TMEM117: variants seen among roughly 807,000 people sequenced by gnomAD.
TMEM117 encodes the protein transmembrane protein 117.
A neutral mutation model predicts 52.4 loss-of-function variants in TMEM117; 27 were observed. The ratio of observed to expected loss-of-function variants is 0.51; its 90% CI spans 0.38 to 0.71. The LOEUF is 0.71. Ranked by LOEUF, TMEM117 falls within the 30% of genes least tolerant of loss-of-function variation. The pLI is 0.00. For synonymous variants in TMEM117, 215 were observed against 206.3 expected (o/e 1.04, Z -0.36); for missense variants, 556 against 630.5 (o/e 0.88, Z 1.26).
At chr12:44,345,290 G>C (rs1222777208) in intron 6 of TMEM117, among the ~76,000 whole-genome samples, 1 of 152,004 alleles carries the variant, frequency 6.6e-6, no homozygotes, top group Non-Finnish European at 1.5e-5. Context: ...TGAATTTCTG[G>C]TTATTTCACC....
At chr12:44,266,063 C>T (rs2138553281) in intron 5 of TMEM117, among the ~76,000 whole-genome samples, 1 of 152,284 alleles carries the variant, frequency 6.6e-6, no homozygotes, top group Admixed American at 6.5e-5. Context: ...TGAACATTCA[C>T]ATACTTTATC....
chr12:43,914,331 A>G (rs1354905329), intron 2 of TMEM117, among the ~76,000 whole-genome samples: 1 of 152,122 alleles, frequency 6.6e-6, no homozygotes, highest in East Asian at 1.9e-4. Flanking sequence ...CAGGTCTGCT[A>G]AGAAACTTAG....
At chr12:44,069,622 A>C (rs1947271447) in intron 3 of TMEM117, among the ~76,000 whole-genome samples, 1 of 152,166 alleles carries the variant, frequency 6.6e-6, no homozygotes, top group South Asian at 2.1e-4. Context: ...AAAGGCTGAC[A>C]GTACCCTGTG....
intron 2 of TMEM117, among the ~76,000 whole-genome samples, chr12:43,877,934 GAAT>G (rs59936377): frequency 0.049 from 7,013 of 141,748 alleles, 211 homozygotes; most frequent in Middle Eastern, 0.13. Flanking sequence ...CACACAGACA[GAAT>G]AATACTTTAT....
At chr12:43,840,121 C>T (rs771927650) in intron 1 of TMEM117, among the ~76,000 whole-genome samples, 15 of 151,856 alleles carry the variant, frequency 9.9e-5, no homozygotes, top group East Asian at 1.9e-4. Flanking sequence ...TTCTAACTAA[C>T]GTAAAGGGTA....
intron 2 of TMEM117, among the ~76,000 whole-genome samples, chr12:43,891,694 C>G (rs1592338537): frequency 1.3e-5 from 2 of 152,118 alleles, no homozygotes; most frequent in African/African-American, 4.8e-5. Flanking sequence ...TTTAAGCTTT[C>G]TAACTGCTTT....
chr12:44,190,648 T>C (rs1285930425), intron 4 of TMEM117, among the ~76,000 whole-genome samples: 1 of 151,932 alleles, frequency 6.6e-6, no homozygotes, highest in African/African-American at 2.4e-5. Context: ...TTGAAAACGT[T>C]GAAAGCCAAA....
chr12:44,072,336 A>T (rs951887780), intron 3 of TMEM117, among the ~76,000 whole-genome samples: 1 of 152,160 alleles, frequency 6.6e-6, no homozygotes, highest in South Asian at 2.1e-4. Context: ...TTCTCAGAGG[A>T]TGCTAAAAAT....
intron 4 of TMEM117, among the ~76,000 whole-genome samples, chr12:44,202,793 C>CACTTTT (rs60018269): frequency 1.4e-5 from 2 of 142,868 alleles, no homozygotes; most frequent in African/African-American, 2.5e-5. Context: ...GAAGTGGTAG[C>CACTTTT]TTTTTTTTTT....
chr12:44,103,638 T>A (rs941610141), intron 3 of TMEM117, among the ~76,000 whole-genome samples: 1 of 152,052 alleles, frequency 6.6e-6, no homozygotes, highest in Non-Finnish European at 1.5e-5. Context: ...TTACTGAGAT[T>A]GGCTCCTCAA....
At chr12:44,138,558 CT>C (rs939410752) in intron 3 of TMEM117, among the ~76,000 whole-genome samples, 19 of 152,130 alleles carry the variant, frequency 1.2e-4, no homozygotes, top group Admixed American at 2.0e-4. Flanking sequence ...TTAGATATGT[CT>C]TCCTTATAGA....
intron 5 of TMEM117, among the ~76,000 whole-genome samples, chr12:44,235,944 C>G (rs1949990406): frequency 6.6e-6 from 1 of 151,788 alleles, no homozygotes; most frequent in Non-Finnish European, 1.5e-5. Flanking sequence ...TCATTTCACT[C>G]TCTTCTGGTT....
chr12:44,025,235 C>A (rs926791838), intron 3 of TMEM117, among the ~76,000 whole-genome samples: 1 of 152,140 alleles, frequency 6.6e-6, no homozygotes, highest in African/African-American at 2.4e-5. Flanking sequence ...CACAATGAAA[C>A]AGATGTCAAG....
At chr12:44,249,026 G>A (rs953775825) in intron 5 of TMEM117, 3 of 152,262 alleles carry the variant, frequency 2.0e-5, no homozygotes, top group African/African-American at 7.2e-5. Context: ...TGTTCTGCAA[G>A]TTGTACAGGA....
At chr12:44,197,498 G>A (rs1235610263) in intron 4 of TMEM117, among the ~76,000 whole-genome samples, 1 of 152,074 alleles carries the variant, frequency 6.6e-6, no homozygotes, top group East Asian at 1.9e-4. Context: ...CATAAGGAAT[G>A]GCATGCTAGA....
chr12:43,873,174 T>C (rs938619467), intron 2 of TMEM117, among the ~76,000 whole-genome samples: 11 of 152,190 alleles, frequency 7.2e-5, no homozygotes, highest in Non-Finnish European at 1.6e-4. Context: ...AAAACTCCTT[T>C]TAATGGAAGG....
At chr12:43,900,180 A>G (rs1158115260) in intron 2 of TMEM117, among the ~76,000 whole-genome samples, 4 of 152,186 alleles carry the variant, frequency 2.6e-5, no homozygotes, top group Non-Finnish European at 4.4e-5. Context: ...GTATTTAAAT[A>G]GGGTCCTTGC....
At chr12:43,836,246 C>G (rs929872801) in intron 1 of TMEM117, 50 bp downstream of exon 1, 3 of 152,318 alleles carry the variant, frequency 2.0e-5, no homozygotes, top group Non-Finnish European at 4.4e-5. Flanking sequence ...CCGTTCGGTC[C>G]AGCCGCAGCG....
intron 2 of TMEM117, among the ~76,000 whole-genome samples, chr12:43,873,556 T>A (rs1391296184): frequency 6.6e-6 from 1 of 152,094 alleles, no homozygotes; most frequent in African/African-American, 2.4e-5. Flanking sequence ...TTAATAAAAA[T>A]CTGAGGCTTA....
Sources: allele counts gnomAD v4.1 joint callset (sites outside exome capture counted in the v4.1 genomes callset), GRCh38; gene constraint gnomAD v4.1.1; transcripts MANE v1.5; gene names NCBI Gene and HGNC (gene_info 2026-07-23, HGNC 2026-07-21).